HEMK2: variants seen among roughly 807,000 people sequenced by gnomAD.
The protein encoded by HEMK2 is methyltransferase HEMK2.
chr21:28,832,409 T>C, the HEMK2 span, among the ~76,000 whole-genome samples: 1 of 152,222 alleles, frequency 6.6e-6, no homozygotes, highest in African/African-American at 2.4e-5. Flanking sequence ...GAGTCTCCAT[T>C]ACCATTGATG....
At chr21:28,749,677 G>A in the HEMK2 span, among the ~76,000 whole-genome samples, 2 of 152,184 alleles carry the variant, frequency 1.3e-5, no homozygotes, top group Non-Finnish European at 2.9e-5. Flanking sequence ...GTTTTAACAT[G>A]GTCTTTGCTC....
At chr21:28,829,438 G>A in the HEMK2 span, among the ~76,000 whole-genome samples, 5 of 152,176 alleles carry the variant, frequency 3.3e-5, no homozygotes, top group Non-Finnish European at 7.3e-5. Context: ...AATAAGGTCA[G>A]TCACCTTTCC....
At chr21:28,772,600 A>G in the HEMK2 span, among the ~76,000 whole-genome samples, 9 of 152,178 alleles carry the variant, frequency 5.9e-5, no homozygotes, top group African/African-American at 1.9e-4. Context: ...TGTATTTTCA[A>G]ATTATAGCGT....
At chr21:28,608,527 A>C in the HEMK2 span, among the ~76,000 whole-genome samples, 2 of 151,506 alleles carry the variant, frequency 1.3e-5, no homozygotes, top group African/African-American at 4.9e-5. Context: ...ACTACTGAGG[A>C]ACATAACAGG....
At chr21:28,601,360 T>C in the HEMK2 span, among the ~76,000 whole-genome samples, 1 of 152,160 alleles carries the variant, frequency 6.6e-6, no homozygotes, top group African/African-American at 2.4e-5. Context: ...ACTGGCCTCT[T>C]TGGTGCTCCC....
the HEMK2 span, among the ~76,000 whole-genome samples, chr21:28,715,129 A>G: frequency 3.0e-4 from 46 of 152,286 alleles, no homozygotes; most frequent in Admixed American, 1.2e-3. Context: ...TGGTAGAATG[A>G]TTTATATTCC....
At chr21:28,736,989 G>A in the HEMK2 span, among the ~76,000 whole-genome samples, 1 of 152,102 alleles carries the variant, frequency 6.6e-6, no homozygotes, top group Non-Finnish European at 1.5e-5. Context: ...GAGTAGCTGG[G>A]GAGATTTAAA....
At chr21:28,778,383 T>C in the HEMK2 span, among the ~76,000 whole-genome samples, 4 of 152,364 alleles carry the variant, frequency 2.6e-5, no homozygotes, top group East Asian at 5.8e-4. Flanking sequence ...ACCAAGCTTT[T>C]ATACACATTC....
chr21:28,827,483 T>C, the HEMK2 span, among the ~76,000 whole-genome samples: 3 of 152,256 alleles, frequency 2.0e-5, no homozygotes, highest in Admixed American at 6.5e-5. Context: ...ACCTACTATG[T>C]GCCAGGCACT....
chr21:28,622,142 A>G, the HEMK2 span, among the ~76,000 whole-genome samples: 1 of 152,182 alleles, frequency 6.6e-6, no homozygotes, highest in East Asian at 1.9e-4. Context: ...CTCAGGATAC[A>G]AAATCAATGT....
the HEMK2 span, among the ~76,000 whole-genome samples, chr21:28,811,397 CAG>C: frequency 2.3e-5 from 2 of 86,116 alleles, no homozygotes. Context: ...GAAGGAGAAA[CAG>C]AGAAGGAAGG....
At chr21:28,705,330 TTTTCTTTTC>T in the HEMK2 span, among the ~76,000 whole-genome samples, 2 of 98,084 alleles carry the variant, frequency 2.0e-5, no homozygotes, top group African/African-American at 1.5e-4. Context: ...TTTTTACTAC[TTTTCTTTTC>T]TTTATCTACC....
At chr21:28,789,751 G>A in the HEMK2 span, among the ~76,000 whole-genome samples, 1 of 152,204 alleles carries the variant, frequency 6.6e-6, no homozygotes, top group African/African-American at 2.4e-5. Context: ...CCTCTAACGG[G>A]CAGGTCTGCA....
At chr21:28,841,140 T>A in the HEMK2 span, among the ~76,000 whole-genome samples, 16 of 20,530 alleles carry the variant, frequency 7.8e-4, 1 homozygote, top group Admixed American at 5.2e-3. Context: ...AATATATAAT[T>A]TATATAATTA....
chr21:28,652,134 G>T, the HEMK2 span, among the ~76,000 whole-genome samples: 1 of 152,154 alleles, frequency 6.6e-6, no homozygotes, highest in Non-Finnish European at 1.5e-5. Context: ...TGCAAACAGT[G>T]GTTGCTGACT....
chr21:28,869,047 C>T, the HEMK2 span, among the ~76,000 whole-genome samples: 1 of 151,534 alleles, frequency 6.6e-6, no homozygotes, highest in African/African-American at 2.4e-5. Flanking sequence ...TAATAGGTGG[C>T]AATTTTCTCG....
the HEMK2 span, among the ~76,000 whole-genome samples, chr21:28,803,875 T>C: frequency 0.44 from 67,037 of 152,152 alleles, 16,122 homozygotes; most frequent in East Asian, 0.71. Context: ...GGCAGAACTT[T>C]AGAGCAATGC....
chr21:28,732,948 G>A, the HEMK2 span, among the ~76,000 whole-genome samples: 3 of 152,104 alleles, frequency 2.0e-5, no homozygotes, highest in Admixed American at 6.6e-5. Flanking sequence ...CTTCACTGGG[G>A]TCAACTTGTG....
the HEMK2 span, among the ~76,000 whole-genome samples, chr21:28,683,385 A>T: frequency 6.6e-6 from 1 of 152,320 alleles, no homozygotes; most frequent in South Asian, 2.1e-4. Flanking sequence ...ACCCAGCTTT[A>T]TAACTGCAGT....
Sources: allele counts gnomAD v4.1 joint callset (sites outside exome capture counted in the v4.1 genomes callset), GRCh38; gene constraint gnomAD v4.1.1; transcripts MANE v1.5; gene names NCBI Gene and HGNC (gene_info 2026-07-23, HGNC 2026-07-21).